Variants in ESRRG observed in about 807,000 individuals in gnomAD.
The protein encoded by ESRRG is estrogen-related receptor gamma.
In ESRRG, 13 loss-of-function variants were observed where a neutral mutation model predicts 44.0. That is an observed-to-expected ratio of 0.30 (90% CI 0.19 to 0.47). The LOEUF is 0.47. ESRRG is among the 20% of genes least tolerant of loss of function. ESRRG has a pLI of 1.00. For missense variants in ESRRG, 395 were observed against 580.6 expected, an observed-to-expected ratio of 0.68 and a Z score of 3.29; for synonymous variants, 215 against 214.6, an observed-to-expected ratio of 1.00 and a Z score of -0.02.
At chr1:217,072,530 T>C (rs2090692950) in intron 1 of ESRRG, among the ~76,000 whole-genome samples, 2 of 152,182 alleles carry the variant, frequency 1.3e-5, no homozygotes, top group Admixed American at 6.5e-5. Context: ...ATAGACATTA[T>C]AGTTATTTTA....
At chr1:216,887,141 A>G (rs1559989916) in intron 2 of ESRRG, among the ~76,000 whole-genome samples, 1 of 152,144 alleles carries the variant, frequency 6.6e-6, no homozygotes, top group Non-Finnish European at 1.5e-5. Flanking sequence ...CCAAGTGGCA[A>G]TTAATTTGTC....
intron 1 of ESRRG, among the ~76,000 whole-genome samples, chr1:217,108,355 C>A (rs2092622423): frequency 6.6e-6 from 1 of 152,166 alleles, no homozygotes; most frequent in South Asian, 2.1e-4. Flanking sequence ...TGGTATTTGC[C>A]ACAATTCTGC....
At chr1:216,776,280 G>A (rs1422912126) in intron 2 of ESRRG, among the ~76,000 whole-genome samples, 2 of 151,892 alleles carry the variant, frequency 1.3e-5, no homozygotes, top group African/African-American at 4.8e-5. Context: ...CCTGTCCTTT[G>A]CACATACGGC....
At chr1:216,681,089 T>C (rs1254863873) in intron 1 of ESRRG, among the ~76,000 whole-genome samples, 2 of 152,166 alleles carry the variant, frequency 1.3e-5, no homozygotes, top group Non-Finnish European at 2.9e-5. Context: ...AAATAACATG[T>C]GTCGAAATAT....
intron 2 of ESRRG, among the ~76,000 whole-genome samples, chr1:216,651,873 A>G (rs1369886471): frequency 6.6e-6 from 1 of 152,180 alleles, no homozygotes. Flanking sequence ...TAAAATGGCA[A>G]CTAAGAAACC....
In ESRRG at chr1:216,603,945, CA is replaced by C. The variant is rs144012100; in HGVS notation, c.590-35848del. 5.7e-4 allele frequency among the ~76,000 whole-genome samples: 72 copies of C among 127,350 alleles called. 1 individual carries two copies. The highest frequency in any genetic ancestry group is 2.2e-3 in the Admixed American group (28 of 12,534). The allele number at this position is 127,350 out of a possible 152,430, so 83.5% of individuals were successfully genotyped here. A position where few individuals can be genotyped will look rare whatever the true frequency, so the allele number is the denominator to read the frequency against. On this transcript the variant is annotated intron_variant, in intron 3 of 6. Coordinates refer to ENST00000408911, the MANE Select transcript of ESRRG (RefSeq NM_001438.4). ...CTCTGAATCAAAAAAAACAAAAAAA[CA>C]AAAAAAAAAAAAAAAAGGAAAGAAA... is the stretch of plus-strand genomic sequence containing the variant.
At chr1:216,724,377 T>G (rs1339322205), upstream of ESRRG, among the ~76,000 whole-genome samples, 1 of 150,846 alleles carries the variant, frequency 6.6e-6, no homozygotes, top group African/African-American at 2.4e-5. Flanking sequence ...TTTTTTTTTT[T>G]GTAGGGAGAG....
At chr1:217,017,764 G>T (rs1202777638) in intron 1 of ESRRG, among the ~76,000 whole-genome samples, 1 of 152,132 alleles carries the variant, frequency 6.6e-6, no homozygotes, top group East Asian at 1.9e-4. Context: ...TGAAAACTCT[G>T]TTATGCTATA....
chr1:216,897,549 C>T (rs1353427669), intron 2 of ESRRG, among the ~76,000 whole-genome samples: 1 of 152,060 alleles, frequency 6.6e-6, no homozygotes, highest in African/African-American at 2.4e-5. Context: ...ATAGGCTTTC[C>T]CTGCAAAGTA....
intron 5 of ESRRG, among the ~76,000 whole-genome samples, chr1:216,546,693 A>C (rs1401153209): frequency 6.6e-6 from 1 of 152,040 alleles, no homozygotes; most frequent in Non-Finnish European, 1.5e-5. Context: ...TTAAAAAAAA[A>C]AATCAGGTTG....
intron 1 of ESRRG, among the ~76,000 whole-genome samples, chr1:217,099,939 T>C (rs2092483059): frequency 6.6e-6 from 1 of 151,414 alleles, no homozygotes. Flanking sequence ...TCCGTAGTAA[T>C]AATGTTGGAT....
intron 1 of ESRRG, among the ~76,000 whole-genome samples, chr1:216,990,372 A>G: frequency 6.6e-6 from 1 of 152,266 alleles, no homozygotes; most frequent in East Asian, 1.9e-4. Flanking sequence ...AAAATAATCA[A>G]TGCAAACAAC....
chr1:217,136,812 C>T (rs896865347), intron 1 of ESRRG, among the ~76,000 whole-genome samples: 1 of 152,202 alleles, frequency 6.6e-6, no homozygotes, highest in African/African-American at 2.4e-5. Context: ...CACCAAACTT[C>T]CCAGTTCCTG....
In ESRRG at chr1:216,984,070, C is replaced by T. The variant is rs570310981; in HGVS notation, c.-105-44397G>A. On this transcript the variant is annotated intron_variant, in intron 1 of 7. Coordinates refer to the ESRRG transcript ENST00000359162. ...GAATGGGGGGGGGTATGTGGAGGCT[C>T]AAGCACTATAAATAACCAAAGAACA... 2.6e-5 allele frequency among the ~76,000 whole-genome samples: 4 copies of T among 151,846 alleles called. No individual in the cohort carries two copies. The South Asian group carries it at 6.2e-4, about 24-fold the overall frequency.
intron 1 of ESRRG, among the ~76,000 whole-genome samples, chr1:216,983,302 G>A (rs1579043962): frequency 6.6e-6 from 1 of 151,782 alleles, no homozygotes; most frequent in East Asian, 1.9e-4. Context: ...TGTGATCTAG[G>A]CTCTCTGCAG....
At chr1:216,731,637 C>A (rs1384004916) in intron 2 of ESRRG, among the ~76,000 whole-genome samples, 1 of 152,130 alleles carries the variant, frequency 6.6e-6, no homozygotes, top group African/African-American at 2.4e-5. Context: ...TCAATACGTA[C>A]CCCCAAAATA....
intron 3 of ESRRG, among the ~76,000 whole-genome samples, chr1:216,573,112 A>T (rs1026676318): frequency 6.6e-6 from 1 of 152,006 alleles, no homozygotes; most frequent in Non-Finnish European, 1.5e-5. Flanking sequence ...AAAATGAAGG[A>T]TAACTAATAA....
chr1:216,880,013 A>G (rs1327976135), intron 2 of ESRRG, among the ~76,000 whole-genome samples: 1 of 152,142 alleles, frequency 6.6e-6, no homozygotes, highest in Non-Finnish European at 1.5e-5. Flanking sequence ...AACTACTTTA[A>G]AAAGATAAAC....
intron 2 of ESRRG, among the ~76,000 whole-genome samples, chr1:216,813,511 T>C (rs1360325328): frequency 1.3e-5 from 2 of 152,222 alleles, no homozygotes; most frequent in African/African-American, 4.8e-5. Context: ...CTAGTATCTA[T>C]TTTAATTCTA....
Sources: gnomAD v4.1 joint callset for allele counts (sites outside exome capture counted in the v4.1 genomes callset) on GRCh38, gnomAD v4.1.1 for gene constraint, MANE v1.5 for transcripts, NCBI Gene and HGNC (gene_info 2026-07-23, HGNC 2026-07-21) for gene names.